The following DOCK5 variants were observed in gnomAD, a reference collection of about 807,000 sequenced individuals.
DOCK5 encodes dedicator of cytokinesis protein 5.
DOCK5 carries 142 observed loss-of-function variants against 251.8 expected under a neutral mutation model. That is an observed-to-expected ratio of 0.56 (90% confidence interval 0.49 to 0.65). The LOEUF is 0.65. Ranked by LOEUF, DOCK5 falls within the 30% of genes least tolerant of loss-of-function variation. DOCK5 has a pLI of 0.00. For synonymous variants in DOCK5, 842 were observed against 835.5 expected (o/e 1.01, Z -0.13); for missense variants, 2,111 against 2,312.3 (o/e 0.91, Z 1.79).
rs1228314055 is a variant in DOCK5, at chr8:25,380,336, A to G, written c.3968A>G (p.Glu1323Gly). The G allele has an allele frequency of 1.2e-6, 2 of 1,612,098 alleles. No homozygotes were observed. Among genetic ancestry groups the G allele is most frequent in the African/African-American group, 2.7e-5 (2 of 74,880 alleles). Residue 1323 changes from glutamate (E) to glycine (G), a missense_variant, in exon 39 of 52, where the codon GAG becomes GGG. By Grantham distance (98) the Glu-to-Gly change is moderately conservative (BLOSUM62 -2). This residue lies in a region of DOCK5 where 1,717 missense variants were observed against 1,892.4 expected (regional missense o/e 0.91). Coordinates refer to ENST00000276440, the MANE Select transcript of DOCK5 (RefSeq NM_024940.8). ...GAGAAGGCCATCAAGCTGAGCAAAG[A>G]GTTGGCTGAGACTTACGAAAGCAAA... Reference protein sequence around the residue: ...MWEKAIKLSKELAETYESKVF... With the variant: ...MWEKAIKLSKGLAETYESKVF...
intron 11 of DOCK5, chr8:25,304,995 T>G (rs186771338): frequency 2.0e-5 from 3 of 152,728 alleles, no homozygotes; most frequent in African/African-American, 7.2e-5. Context: ...GAGGAGCTGT[T>G]GGGAGCAGAT....
Position 25,260,740 on chromosome 8 carries a change from T to A in DOCK5, c.128-8105T>A, listed in dbSNP as rs182632565. Among the ~76,000 whole-genome samples the A allele has an allele frequency of 1.2e-4, 18 of 152,280 alleles. No homozygotes were observed. The East Asian group carries it at 3.5e-3, about 29-fold the overall frequency. On this transcript the variant is annotated intron_variant, in intron 2 of 51. Coordinates refer to ENST00000276440, the MANE Select transcript of DOCK5 (RefSeq NM_024940.8). ...AATGAATGAATGACCACATTAGTAA[T>A]GTAAATCCTCAGCCTAAATGTACAT...
At chr8:25,360,630 AGG>A (rs1800660501) in intron 28 of DOCK5, among the ~76,000 whole-genome samples, 1 of 152,122 alleles carries the variant, frequency 6.6e-6, no homozygotes, top group Non-Finnish European at 1.5e-5. Flanking sequence ...ACCCACCTTG[AGG>A]GTTAATTAAG....
chr8:25,366,436 G>A (rs1280493372), intron 30 of DOCK5, among the ~76,000 whole-genome samples: 1 of 152,164 alleles, frequency 6.6e-6, no homozygotes, highest in Non-Finnish European at 1.5e-5. Context: ...GCAGTGAGCC[G>A]AGATTGTACC....
At chr8:25,332,133 C>A in intron 18 of DOCK5, 118 bp from the exon 19 acceptor site, 2 of 596,266 alleles carry the variant, frequency 3.4e-6, no homozygotes, top group Admixed American at 3.3e-5. Context: ...ATATATAAGG[C>A]ATCTTGAATT....
chr8:25,375,903 G>T (rs1323948399), intron 37 of DOCK5: 2 of 846,352 alleles, frequency 2.4e-6, no homozygotes, highest in Non-Finnish European at 2.8e-6. Context: ...TTCAAGACCA[G>T]CCTGGCTAAC....
chr8:25,290,358 G>A (rs902058896), intron 5 of DOCK5, among the ~76,000 whole-genome samples: 6 of 152,282 alleles, frequency 3.9e-5, no homozygotes, highest in Admixed American at 3.3e-4. Flanking sequence ...TTTTAAGAAC[G>A]TTTATGAAGT....
At chr8:25,383,537 A>G (rs1237265401) in intron 40 of DOCK5, among the ~76,000 whole-genome samples, 2 of 152,160 alleles carry the variant, frequency 1.3e-5, no homozygotes, top group Admixed American at 1.3e-4. Flanking sequence ...ATGAGGGGAG[A>G]TTTTAATCAC....
At chr8:25,311,204 A>T (rs1404758357) in intron 13 of DOCK5, among the ~76,000 whole-genome samples, 1 of 152,218 alleles carries the variant, frequency 6.6e-6, no homozygotes, top group Non-Finnish European at 1.5e-5. Context: ...TGAATTTTAT[A>T]CATATTGCTA....
intron 40 of DOCK5, among the ~76,000 whole-genome samples, chr8:25,384,459 A>ATTTTTTTTT (rs1208387306): frequency 7.6e-5 from 5 of 65,702 alleles, no homozygotes; most frequent in Admixed American, 1.8e-4. Context: ...TTATTTATTT[A>ATTTTTTTTT]TTTATTTTTT....
At chr8:25,264,677 A>G (rs996299127) in intron 2 of DOCK5, among the ~76,000 whole-genome samples, 13 of 151,820 alleles carry the variant, frequency 8.6e-5, no homozygotes, top group Admixed American at 7.9e-4. Flanking sequence ...AATACAAAAA[A>G]TAAGCTAGGC....
chr8:25,390,407 GA>G, intron 42 of DOCK5, 120 bp downstream of exon 42: 1 of 847,336 alleles, frequency 1.2e-6, no homozygotes, highest in Non-Finnish European at 1.8e-6. Flanking sequence ...AGGAATTTGA[GA>G]CCAGCCTGGG....
In DOCK5 at chr8:25,361,579, A is replaced by G. The variant is rs183878060; in HGVS notation, c.2950-1468A>G. On this transcript the variant is annotated intron_variant, in intron 28 of 51. Transcript: ENST00000276440. ...CAGTAAGTCGAGATTGTGCCGCTGCACTCCAGCCTGGGCGACAAAGCAAGA... is the reference window on the plus strand; with the variant it reads ...CAGTAAGTCGAGATTGTGCCGCTGCGCTCCAGCCTGGGCGACAAAGCAAGA... Among the ~76,000 whole-genome samples the G allele has an allele frequency of 2.9e-3, 438 of 152,296 alleles. 4 individuals are homozygous for G. The highest frequency in any genetic ancestry group is 0.014 in the Middle Eastern group (4 of 294).
At chr8:25,330,343 G>A (rs1436991788) in intron 18 of DOCK5, among the ~76,000 whole-genome samples, 2 of 152,188 alleles carry the variant, frequency 1.3e-5, no homozygotes, top group African/African-American at 4.8e-5. Flanking sequence ...ACTAAGGCAA[G>A]ATAAAAGAAT....
chr8:25,258,802 C>T (rs983666161), intron 2 of DOCK5, among the ~76,000 whole-genome samples: 3 of 152,166 alleles, frequency 2.0e-5, no homozygotes, highest in Non-Finnish European at 2.9e-5. Flanking sequence ...CTGCGAAGGA[C>T]AGTTCCCTGT....
intron 13 of DOCK5, among the ~76,000 whole-genome samples, chr8:25,314,087 T>C (rs1170886091): frequency 6.7e-6 from 1 of 149,020 alleles, no homozygotes; most frequent in Non-Finnish European, 1.5e-5. Context: ...AGCCAGCTAT[T>C]TCCTGCCTCA....
At chr8:25,409,267 A>G (rs1329077589) in intron 50 of DOCK5, among the ~76,000 whole-genome samples, 1 of 152,234 alleles carries the variant, frequency 6.6e-6, no homozygotes. Context: ...GAACAGGGAC[A>G]AGAAATAGAC....
intron 37 of DOCK5, 25 bp from the exon 38 acceptor site, chr8:25,377,280 G>A (rs767836407): frequency 8.8e-6 from 14 of 1,597,028 alleles, no homozygotes; most frequent in African/African-American, 5.4e-5. Context: ...TGTATTAACC[G>A]TGTGTCGCTT....
At chr8:25,254,834 G>A (rs111280650) in intron 2 of DOCK5, among the ~76,000 whole-genome samples, 3,711 of 132,094 alleles carry the variant, frequency 0.028, 209 homozygotes, top group African/African-American at 0.098. Context: ...TATCTAAAAC[G>A]TATAAAGAGC....
Sources: allele counts gnomAD v4.1 joint callset (sites outside exome capture counted in the v4.1 genomes callset), GRCh38; gene constraint gnomAD v4.1.1; regional missense constraint gnomAD v4.1.1; transcripts MANE v1.5; gene names NCBI Gene and HGNC (gene_info 2026-07-23, HGNC 2026-07-21).